FRMD4B: variants seen among roughly 807,000 people sequenced by gnomAD.
FRMD4B encodes FERM domain-containing protein 4B.
Under a neutral mutation model 141.5 loss-of-function variants are expected in FRMD4B, and 74 were observed. The observed-to-expected ratio is 0.52, with a 90% CI of 0.43 to 0.63. The LOEUF (loss-of-function observed/expected upper bound fraction) is 0.63, where lower values mean the gene tolerates loss of function less well. FRMD4B is among the 30% of genes least tolerant of loss of function. The probability of loss-of-function intolerance (pLI) is 0.00; values close to 1 mark genes in which losing one functional copy is unlikely to be tolerated. For missense variants in FRMD4B, 1,366 were observed against 1,253.4 expected (o/e 1.09, Z -1.36); for synonymous variants, 506 against 467.9 (o/e 1.08, Z -1.05).
intron 5 of FRMD4B, among the ~76,000 whole-genome samples, chr3:69,269,767 G>A (rs529017586): frequency 1.3e-5 from 2 of 151,974 alleles, no homozygotes; most frequent in East Asian, 3.9e-4. Flanking sequence ...CTACAGGCAT[G>A]CACCATCACA....
At chr3:69,504,989 A>G (rs902092358) in intron 1 of FRMD4B, among the ~76,000 whole-genome samples, 1 of 152,198 alleles carries the variant, frequency 6.6e-6, no homozygotes, top group African/African-American at 2.4e-5. Flanking sequence ...AGATATTTGC[A>G]ATTTTTAATC....
At chr3:69,482,356 G>C (rs764410477) in intron 1 of FRMD4B, among the ~76,000 whole-genome samples, 1 of 152,084 alleles carries the variant, frequency 6.6e-6, no homozygotes, top group African/African-American at 2.4e-5. Flanking sequence ...TGGGAATTAC[G>C]AGCCATGCCC....
At chr3:69,374,388 T>C (rs578040825) in intron 1 of FRMD4B, among the ~76,000 whole-genome samples, 31 of 152,324 alleles carry the variant, frequency 2.0e-4, no homozygotes, top group African/African-American at 7.2e-4. Context: ...CTCTCTTAGG[T>C]AATAAGCATC....
chr3:69,450,224 A>G (rs1705473157), intron 1 of FRMD4B, among the ~76,000 whole-genome samples: 1 of 152,256 alleles, frequency 6.6e-6, no homozygotes, highest in Non-Finnish European at 1.5e-5. Context: ...TATGCTTTAA[A>G]AAAGTAAACC....
intron 17 of FRMD4B, among the ~76,000 whole-genome samples, chr3:69,191,868 C>A (rs1362596131): frequency 2.6e-5 from 4 of 152,218 alleles, no homozygotes; most frequent in Non-Finnish European, 4.4e-5. Flanking sequence ...CAAAGCTACT[C>A]TACATTCTCC....
rs1019698476 is a variant in FRMD4B, at chr3:69,285,415, A to C, written c.501+2337T>G. On this transcript the variant is annotated intron_variant, in intron 5 of 22. Transcript: ENST00000398540. ...ATGAGGCCAAAAAAAAAAAAAAAAA[A>C]CCTGAAGAAATAACGGCTAAAATGT... Among the ~76,000 whole-genome samples the C allele has an allele frequency of 5.9e-5, 9 of 151,346 alleles. No individual in the cohort carries two copies. In the South Asian group the frequency reaches 8.3e-4, roughly 14 times the overall value.
At chr3:69,250,290 C>CGTGT (rs10526962) in intron 5 of FRMD4B, 191 bp from the exon 6 acceptor site, 125,586 of 412,936 alleles carry the variant, frequency 0.3, 12,131 homozygotes, top group East Asian at 0.46. Context: ...ACTGTGTGTG[C>CGTGT]GTGTGTGTGT....
intron 1 of FRMD4B, among the ~76,000 whole-genome samples, chr3:69,370,259 A>G (rs1216723413): frequency 5.3e-5 from 8 of 152,210 alleles, no homozygotes; most frequent in African/African-American, 1.7e-4. Context: ...AAAAGAGAGC[A>G]AACGGTCTGA....
intron 16 of FRMD4B, 46 bp downstream of exon 16, chr3:69,194,974 CTT>C (rs768403090): frequency 6.4e-7 from 1 of 1,554,602 alleles, no homozygotes; most frequent in East Asian, 2.3e-5. Flanking sequence ...ACTCAGACAG[CTT>C]TCCTGTCTTA....
At chr3:69,285,848 AG>A (rs1388467622) in intron 5 of FRMD4B, among the ~76,000 whole-genome samples, 1 of 152,164 alleles carries the variant, frequency 6.6e-6, no homozygotes, top group African/African-American at 2.4e-5. Context: ...CATCTCAAAA[AG>A]AAAAAAAAAA....
At chr3:69,243,650 T>C (rs775030758) in intron 7 of FRMD4B, among the ~76,000 whole-genome samples, 3 of 152,236 alleles carry the variant, frequency 2.0e-5, no homozygotes, top group Non-Finnish European at 4.4e-5. Flanking sequence ...TCACCAGCAA[T>C]GTAACAATCT....
intron 4 of FRMD4B, among the ~76,000 whole-genome samples, chr3:69,292,815 C>CT (rs35818040): frequency 0.19 from 22,376 of 120,616 alleles, 2,653 homozygotes; most frequent in East Asian, 0.39. Context: ...TTTTTTCAGC[C>CT]TTTTTTTTTT....
Position 69,539,112 on chromosome 3 carries a change from G to C in FRMD4B, c.-129+3094C>G, listed in dbSNP as rs1277769493. ...GAGCGAGAGATCACTTGCAGTATAA[G>C]CCTCAAACCTTCACTTATGTGTGTA... On this transcript the variant is annotated intron_variant, in intron 1 of 5. Coordinates refer to the FRMD4B transcript ENST00000459638. Among the ~76,000 whole-genome samples the C allele has an allele frequency of 2.0e-5, 3 of 152,192 alleles. No individual in the cohort carries two copies. The East Asian group carries it at 5.8e-4, about 29-fold the overall frequency.
chr3:69,340,631 G>A (rs938664059), intron 1 of FRMD4B, among the ~76,000 whole-genome samples: 1 of 152,182 alleles, frequency 6.6e-6, no homozygotes, highest in African/African-American at 2.4e-5. Flanking sequence ...TCAGCTCCTT[G>A]ATACCTGGTT....
intron 4 of FRMD4B, among the ~76,000 whole-genome samples, chr3:69,299,041 G>A (rs958221627): frequency 6.6e-6 from 1 of 151,984 alleles, no homozygotes; most frequent in East Asian, 1.9e-4. Flanking sequence ...ATTATATAAT[G>A]AATGCATTTG....
intron 1 of FRMD4B, among the ~76,000 whole-genome samples, chr3:69,486,157 T>C (rs1031689522): frequency 3.9e-5 from 6 of 152,244 alleles, no homozygotes; most frequent in Admixed American, 3.9e-4. Context: ...GCTGGAAGTC[T>C]GGTTATTGTT....
At chr3:69,514,628 C>T (rs1333272704) in intron 1 of FRMD4B, among the ~76,000 whole-genome samples, 3 of 151,944 alleles carry the variant, frequency 2.0e-5, no homozygotes, top group African/African-American at 7.3e-5. Flanking sequence ...ACAAAGGTTA[C>T]AGTGAGCTGA....
intron 1 of FRMD4B, among the ~76,000 whole-genome samples, chr3:69,485,330 C>G (rs1575587401): frequency 6.6e-6 from 1 of 152,190 alleles, no homozygotes; most frequent in Non-Finnish European, 1.5e-5. Flanking sequence ...TTGAGGCCCC[C>G]TAAGAGTGCA....
chr3:69,477,247 T>G (rs1474688465), intron 1 of FRMD4B, among the ~76,000 whole-genome samples: 1 of 147,752 alleles, frequency 6.8e-6, no homozygotes, highest in South Asian at 2.2e-4. Context: ...CTATGTTGAA[T>G]AGGAGTGGTG....
Sources: gnomAD v4.1 joint callset for allele counts (sites outside exome capture counted in the v4.1 genomes callset) on GRCh38, gnomAD v4.1.1 for gene constraint, MANE v1.5 for transcripts, NCBI Gene and HGNC (gene_info 2026-07-23, HGNC 2026-07-21) for gene names.